RBFOX1: variants seen among roughly 807,000 people sequenced by gnomAD.
RBFOX1 encodes the protein RNA binding protein fox-1 homolog 1.
RBFOX1 carries 8 observed loss-of-function variants against 57.7 expected under a neutral mutation model. The observed-to-expected ratio is 0.14, with a 90% CI of 0.08 to 0.25. The LOEUF is 0.25. RBFOX1 is among the 10% of genes least tolerant of loss of function. The probability of loss-of-function intolerance (pLI) is 1.00; values close to 1 mark genes in which losing one functional copy is unlikely to be tolerated. For synonymous variants in RBFOX1, 326 were observed against 222.4 expected (o/e 1.47, Z -4.15); for missense variants, 611 against 548.5 (o/e 1.11, Z -1.14).
intron 1 of RBFOX1, among the ~76,000 whole-genome samples, chr16:5,288,933 C>T (rs967630453): frequency 6.6e-5 from 10 of 151,872 alleles, no homozygotes; most frequent in South Asian, 2.1e-4. Context: ...GAGACCATTG[C>T]GGCCAACATG....
intron 4 of RBFOX1, among the ~76,000 whole-genome samples, chr16:7,359,390 CTG>C (rs1265132692): frequency 6.9e-6 from 1 of 143,932 alleles, no homozygotes; most frequent in South Asian, 2.2e-4. Context: ...ATGTGTGCCT[CTG>C]TGTGTTTGTG....
At chr16:6,695,952 T>A (rs1344831595) in intron 3 of RBFOX1, among the ~76,000 whole-genome samples, 1 of 152,178 alleles carries the variant, frequency 6.6e-6, no homozygotes, top group East Asian at 1.9e-4. Context: ...TATAACCACA[T>A]TGCAATAAGC....
chr16:5,875,249 A>T (rs1018889037), intron 4 of RBFOX1, among the ~76,000 whole-genome samples: 10 of 152,200 alleles, frequency 6.6e-5, no homozygotes, highest in Admixed American at 2.0e-4. Context: ...CAGACAAAAA[A>T]ACTGAGATGT....
At chr16:6,131,375 A>C (rs2096628468) in intron 1 of RBFOX1, among the ~76,000 whole-genome samples, 1 of 152,226 alleles carries the variant, frequency 6.6e-6, no homozygotes, top group Non-Finnish European at 1.5e-5. Flanking sequence ...CACTAAGGTA[A>C]CAGTTGAGTA....
intron 4 of RBFOX1, among the ~76,000 whole-genome samples, chr16:5,898,077 A>G (rs949311372): frequency 5.9e-5 from 9 of 152,126 alleles, no homozygotes; most frequent in African/African-American, 1.9e-4. Flanking sequence ...GAATCTTTCA[A>G]TCATGGTGGA....
At chr16:6,247,857 A>G (rs2097577814) in intron 1 of RBFOX1, among the ~76,000 whole-genome samples, 1 of 152,166 alleles carries the variant, frequency 6.6e-6, no homozygotes, top group South Asian at 2.1e-4. Context: ...GGCTCTGATG[A>G]TAGGAAAGCA....
At chr16:6,534,069 CAT>C (rs1197687485) in intron 2 of RBFOX1, among the ~76,000 whole-genome samples, 4 of 152,044 alleles carry the variant, frequency 2.6e-5, no homozygotes, top group South Asian at 2.1e-4. Flanking sequence ...GAAATGAAAA[CAT>C]ATCTGCACAT....
At chr16:6,115,792 A>G (rs1460483996) in intron 1 of RBFOX1, among the ~76,000 whole-genome samples, 2 of 152,166 alleles carry the variant, frequency 1.3e-5, no homozygotes, top group African/African-American at 4.8e-5. Context: ...TCCCTGGTCT[A>G]CATTACATAT....
At chr16:5,333,580 T>G (rs1404950766) in intron 1 of RBFOX1, among the ~76,000 whole-genome samples, 1 of 152,220 alleles carries the variant, frequency 6.6e-6, no homozygotes, top group Non-Finnish European at 1.5e-5. Flanking sequence ...GGGCCCGAGC[T>G]TCTCTCCTGG....
chr16:5,898,705 G>A (rs2058227578), intron 4 of RBFOX1, among the ~76,000 whole-genome samples: 1 of 151,804 alleles, frequency 6.6e-6, no homozygotes, highest in South Asian at 2.1e-4. Context: ...TTGACTTCAC[G>A]GGCAAGTTTA....
At chr16:7,040,631 C>T (rs187667046) in intron 3 of RBFOX1, among the ~76,000 whole-genome samples, 3 of 152,264 alleles carry the variant, frequency 2.0e-5, no homozygotes, top group East Asian at 3.9e-4. Flanking sequence ...TGTTGTTTAT[C>T]ATTCCAGACT....
rs1491268056 is a variant in RBFOX1, at chr16:6,650,925, CAG to C, written c.-63-3675_-63-3674del. ...TGATTGGTTGGTTGTTTTTTGGAAACAGAGTCTCACTTCGTTGCCCAGGCTGA... is the reference window on the plus strand; with the variant it reads ...TGATTGGTTGGTTGTTTTTTGGAAACAGTCTCACTTCGTTGCCCAGGCTGA... On this transcript the variant is annotated intron_variant, in intron 2 of 15. Coordinates refer to ENST00000550418, the MANE Select transcript of RBFOX1 (RefSeq NM_018723.4). 2.7e-3 allele frequency among the ~76,000 whole-genome samples: 414 copies of C among 152,150 alleles called. 2 individuals are homozygous for C. Among genetic ancestry groups the C allele is most frequent in the African/African-American group, 8.6e-3 (357 of 41,538 alleles).
intron 3 of RBFOX1, among the ~76,000 whole-genome samples, chr16:5,667,132 A>G (rs113050696): frequency 0.013 from 1,995 of 152,240 alleles, 42 homozygotes; most frequent in African/African-American, 0.045. Context: ...CTTTATGGGT[A>G]TACCCCAGTG....
intron 4 of RBFOX1, among the ~76,000 whole-genome samples, chr16:7,439,891 G>C (rs1236953087): frequency 1.3e-5 from 2 of 150,620 alleles, no homozygotes; most frequent in African/African-American, 4.9e-5. Context: ...TTGTTGCTTT[G>C]TATTAGCAGT....
chr16:6,217,938 C>G (rs1361947535), intron 1 of RBFOX1, among the ~76,000 whole-genome samples: 1 of 152,148 alleles, frequency 6.6e-6, no homozygotes, highest in African/African-American at 2.4e-5. Context: ...ATCACTTAAA[C>G]CGGGGAGGTG....
At chr16:6,055,058 A>AG in intron 1 of RBFOX1, among the ~76,000 whole-genome samples, 1 of 152,190 alleles carries the variant, frequency 6.6e-6, no homozygotes, top group Middle Eastern at 3.4e-3. Context: ...ATGTCATGTG[A>AG]GGCTGTTCCT....
rs535192140 is a variant in RBFOX1 at position 7,458,560 on chromosome 16, C to G, written c.28-59587C>G. On this transcript the variant is annotated intron_variant, in intron 4 of 15. Coordinates refer to ENST00000550418, the MANE Select transcript of RBFOX1 (RefSeq NM_018723.4). The stretch of plus-strand genomic sequence containing the variant: ...GGAAAAAAACATTGACTTCTCTGAC[C>G]TACTTCCCTAGCATTCTTTCCCTTT... Among the ~76,000 whole-genome samples, 39 of 152,224 alleles carry G rather than the reference C, an allele frequency of 2.6e-4. 1 individual carries two copies. The South Asian group carries it at 2.7e-3, about 11-fold the overall frequency.
chr16:5,977,341 A>C (rs1172661013), intron 4 of RBFOX1, among the ~76,000 whole-genome samples: 1 of 152,136 alleles, frequency 6.6e-6, no homozygotes, highest in Non-Finnish European at 1.5e-5. Flanking sequence ...CCAGCCCGTC[A>C]TGCAGAGTCT....
intron 1 of RBFOX1, among the ~76,000 whole-genome samples, chr16:5,447,022 T>C (rs746955430): frequency 6.6e-6 from 1 of 152,188 alleles, no homozygotes; most frequent in Non-Finnish European, 1.5e-5. Context: ...TTTCCTGGTA[T>C]GTAGAAGCAC....
Sources: gnomAD v4.1 joint callset for allele counts (sites outside exome capture counted in the v4.1 genomes callset) on GRCh38, gnomAD v4.1.1 for gene constraint, MANE v1.5 for transcripts, NCBI Gene and HGNC (gene_info 2026-07-23, HGNC 2026-07-21) for gene names.